The following DIP2C variants were observed in gnomAD, a reference collection of about 807,000 sequenced individuals.
DIP2C encodes disco-interacting protein 2 homolog C.
A neutral mutation model predicts 192.4 loss-of-function variants in DIP2C; 33 were observed. The observed-to-expected ratio is 0.17, with a 90% CI of 0.13 to 0.23. The LOEUF is 0.23. Among genes scored for constraint, DIP2C ranks in the 10% least tolerant of loss-of-function variants. DIP2C has a pLI of 1.00. For synonymous variants in DIP2C, 979 were observed against 864.1 expected, an observed-to-expected ratio of 1.13 and a Z score of -2.33; for missense variants, 1,537 against 2,110.1, an observed-to-expected ratio of 0.73 and a Z score of 5.32.
At chr10:565,251 A>G (rs1015208289) in intron 1 of DIP2C, among the ~76,000 whole-genome samples, 1 of 151,998 alleles carries the variant, frequency 6.6e-6, no homozygotes, top group Non-Finnish European at 1.5e-5. Flanking sequence ...GCATTTGTAC[A>G]TACACAGCAT....
At chr10:300,700 G>A (rs1439264330) in intron 32 of DIP2C, among the ~76,000 whole-genome samples, 2 of 140,474 alleles carry the variant, frequency 1.4e-5, no homozygotes, top group Admixed American at 7.1e-5. Context: ...GAACCCAGGC[G>A]CGGCCCTGAG....
At chr10:348,491 A>T in intron 26 of DIP2C, 150 bp downstream of exon 26, 1 of 1,228,274 alleles carries the variant, frequency 8.1e-7, no homozygotes, top group Non-Finnish European at 1.1e-6. Flanking sequence ...GGCTCCCTGC[A>T]GGTAGAGACC....
At chr10:674,740 G>T (rs190493433) in intron 1 of DIP2C, among the ~76,000 whole-genome samples, 31 of 127,536 alleles carry the variant, frequency 2.4e-4, no homozygotes, top group Admixed American at 8.1e-4. Flanking sequence ...CTGCACTCCA[G>T]CCTAAGCAAC....
chr10:659,228 C>T (rs781002334), intron 1 of DIP2C, among the ~76,000 whole-genome samples: 26 of 152,184 alleles, frequency 1.7e-4, no homozygotes, highest in South Asian at 4.1e-4. Context: ...CACATGTGTG[C>T]GATGTCATGC....
At position 275,562 on chromosome 10, in the gene DIP2C, T is replaced by C. The variant is rs1024836271; in HGVS notation, c.*1763A>G. 6.7e-6 allele frequency: 1 copy of C among 150,332 alleles called. No homozygotes were observed. Among genetic ancestry groups the C allele is most frequent in the Non-Finnish European group, 1.5e-5 (1 of 67,824 alleles). 9.3% of individuals were successfully genotyped at this position (150,332 alleles called of 1,614,324 possible). The stretch of plus-strand genomic sequence containing the variant: ...AGCAAAAGGCTTACTGCTGACTGCA[T>C]ATAGCAAAGGCAGAGAAAGACGCTG... On this transcript the variant is annotated 3_prime_UTR_variant, in exon 37 of 37. Transcript: ENST00000280886.
At chr10:397,198 G>C (rs1964055695) in intron 10 of DIP2C, among the ~76,000 whole-genome samples, 2 of 152,144 alleles carry the variant, frequency 1.3e-5, no homozygotes, top group African/African-American at 4.8e-5. Context: ...TTGCCTTTTA[G>C]AGCTGGAAGA....
chr10:440,908 C>T lies in DIP2C; in HGVS notation c.357G>A (p.Leu119=). Reference sequence around the variant, plus strand: ...AGGCGTCCATCGAGGTCTGCACGACCAGGGACCTGCGTTTGGAAGGCATAG... The same window carrying T: ...AGGCGTCCATCGAGGTCTGCACGACTAGGGACCTGCGTTTGGAAGGCATAG... ...AVPMPSKRRS[L]VVQTSMDAYT... The change falls in exon 4 of 37, where the codon CTG becomes CTA. Residue 119 remains leucine (L), a synonymous_variant. Coordinates refer to ENST00000280886, the MANE Select transcript of DIP2C (RefSeq NM_014974.3). 6.2e-7 allele frequency: 1 copy of T among 1,613,776 alleles called. No homozygotes were observed. The highest frequency in any genetic ancestry group is 8.5e-7 in the Non-Finnish European group (1 of 1,180,030).
chr10:474,631 T>C (rs1185006069), intron 2 of DIP2C, among the ~76,000 whole-genome samples: 2 of 152,192 alleles, frequency 1.3e-5, no homozygotes, highest in African/African-American at 4.8e-5. Context: ...ACTCCCGTGC[T>C]AAAGGAGCAC....
intron 22 of DIP2C, among the ~76,000 whole-genome samples, chr10:361,246 AT>A (rs1959457193): frequency 6.6e-6 from 1 of 152,196 alleles, no homozygotes; most frequent in African/African-American, 2.4e-5. Flanking sequence ...GAGTAAAAAG[AT>A]TTCCAATCTC....
At chr10:638,476 C>T (rs572113204) in intron 1 of DIP2C, among the ~76,000 whole-genome samples, 1 of 152,304 alleles carries the variant, frequency 6.6e-6, no homozygotes, top group South Asian at 2.1e-4. Flanking sequence ...TACAGAGAGT[C>T]AAATTATGGT....
At chr10:435,314 G>A (rs1564708487) in intron 4 of DIP2C, among the ~76,000 whole-genome samples, 1 of 152,174 alleles carries the variant, frequency 6.6e-6, no homozygotes, top group Non-Finnish European at 1.5e-5. Flanking sequence ...AGTTAAGAGT[G>A]CTCCTGCATA....
rs1301132681 is a variant in DIP2C, at chr10:274,907, C to G, written c.*2418G>C. On this transcript the variant is annotated 3_prime_UTR_variant, in exon 37 of 37. Transcript: ENST00000280886. ...TTTATCTACAGTACAATTTTGAATACAGAATGACCCTTCTTTATTGCTGAA... is the reference window on the plus strand; with the variant it reads ...TTTATCTACAGTACAATTTTGAATAGAGAATGACCCTTCTTTATTGCTGAA... 6.6e-6 allele frequency: 1 copy of G among 152,190 alleles called. No homozygotes were observed. The highest frequency in any genetic ancestry group is 1.5e-5 in the Non-Finnish European group (1 of 68,042). The allele number at this position is 152,190 out of a possible 1,614,324, so 9.4% of individuals were successfully genotyped here.
chr10:318,517 A>G (rs1301958653), intron 31 of DIP2C, among the ~76,000 whole-genome samples: 2 of 152,238 alleles, frequency 1.3e-5, no homozygotes, highest in East Asian at 3.8e-4. Flanking sequence ...CTGCTGCACA[A>G]GCGGTTCCCA....
intron 1 of DIP2C, among the ~76,000 whole-genome samples, chr10:518,791 T>C (rs1162586426): frequency 2.0e-5 from 3 of 152,174 alleles, no homozygotes; most frequent in African/African-American, 4.8e-5. Context: ...ACTCCCCTCT[T>C]CCAGAAAGAG....
chr10:650,262 A>G (rs887696458), intron 1 of DIP2C: 47 of 716,748 alleles, frequency 6.6e-5, no homozygotes, highest in Non-Finnish European at 1.1e-4. Context: ...AGCTGGCCCG[A>G]GGTGACACAG....
intron 9 of DIP2C, among the ~76,000 whole-genome samples, chr10:400,898 A>G (rs1964376181): frequency 6.6e-6 from 1 of 151,298 alleles, no homozygotes; most frequent in Non-Finnish European, 1.5e-5. Flanking sequence ...CCTTATGGAC[A>G]AGTTTGGTAC....
At chr10:467,368 CTG>C (rs1350152860) in intron 3 of DIP2C, among the ~76,000 whole-genome samples, 1 of 105,066 alleles carries the variant, frequency 9.5e-6, no homozygotes, top group Non-Finnish European at 1.8e-5. Flanking sequence ...ATATCACACT[CTG>C]GGGACTGTGG....
At chr10:587,085 C>A (rs937752603) in intron 1 of DIP2C, among the ~76,000 whole-genome samples, 1 of 148,322 alleles carries the variant, frequency 6.7e-6, no homozygotes, top group African/African-American at 2.5e-5. Flanking sequence ...GGTCTAAGGC[C>A]GGACCACCCG....
chr10:499,347 T>A (rs1845069745), intron 1 of DIP2C, among the ~76,000 whole-genome samples: 1 of 152,228 alleles, frequency 6.6e-6, no homozygotes, highest in South Asian at 2.1e-4. Context: ...ACCGCTGGGC[T>A]GCATCAGTCT....
Sources: gnomAD v4.1 joint callset for allele counts (sites outside exome capture counted in the v4.1 genomes callset) on GRCh38, gnomAD v4.1.1 for gene constraint, MANE v1.5 for transcripts, NCBI Gene and HGNC (gene_info 2026-07-23, HGNC 2026-07-21) for gene names.